Variants in ROR1 observed in about 807,000 individuals in gnomAD.
The protein encoded by ROR1 is inactive tyrosine-protein kinase transmembrane receptor ROR1.
Under a neutral mutation model 78.8 loss-of-function variants are expected in ROR1, and 19 were observed. The observed-to-expected ratio is 0.24, with a 90% CI of 0.17 to 0.35. ROR1 has a LOEUF of 0.35. Among genes scored for constraint, ROR1 ranks in the 10% least tolerant of loss-of-function variants. ROR1 has a pLI of 1.00. For synonymous variants in ROR1, 386 were observed against 433.6 expected (o/e 0.89, Z 1.36); for missense variants, 917 against 1,177.8 (o/e 0.78, Z 3.24).
At chr1:63,951,710 C>G (rs534612808) in intron 1 of ROR1, among the ~76,000 whole-genome samples, 1 of 151,952 alleles carries the variant, frequency 6.6e-6, no homozygotes, top group African/African-American at 2.4e-5. Context: ...TTAAAGACAC[C>G]CCCCCCTCAC....
At chr1:63,840,845 C>T (rs750808282) in intron 1 of ROR1, among the ~76,000 whole-genome samples, 1 of 152,150 alleles carries the variant, frequency 6.6e-6, no homozygotes, top group Non-Finnish European at 1.5e-5. Context: ...GTTTTCTCAT[C>T]TAGAAAATGG....
At chr1:64,036,441 C>G (rs562400643) in intron 2 of ROR1, among the ~76,000 whole-genome samples, 2 of 152,182 alleles carry the variant, frequency 1.3e-5, no homozygotes, top group Non-Finnish European at 2.9e-5. Flanking sequence ...TGCTAGCCCA[C>G]GATCACAGCG....
At chr1:64,024,233 C>A (rs1423645727) in intron 2 of ROR1, among the ~76,000 whole-genome samples, 2 of 152,178 alleles carry the variant, frequency 1.3e-5, no homozygotes, top group Admixed American at 6.5e-5. Flanking sequence ...GTAATCCCAG[C>A]ACTTTGAGAG....
chr1:63,808,242 C>T (rs1403478605), intron 1 of ROR1, among the ~76,000 whole-genome samples: 1 of 152,064 alleles, frequency 6.6e-6, no homozygotes, highest in Non-Finnish European at 1.5e-5. Flanking sequence ...AAGCAGTGGG[C>T]CATCTCCTTT....
intron 7 of ROR1, among the ~76,000 whole-genome samples, chr1:64,149,600 CT>C (rs1464852475): frequency 1.3e-5 from 2 of 152,194 alleles, no homozygotes; most frequent in South Asian, 2.1e-4. Context: ...GTGTGCCCTT[CT>C]CCCATTAAGT....
intron 1 of ROR1, among the ~76,000 whole-genome samples, chr1:63,791,756 A>G (rs1455076542): frequency 6.6e-6 from 1 of 152,188 alleles, no homozygotes; most frequent in Non-Finnish European, 1.5e-5. Flanking sequence ...TGGGAATTAT[A>G]ATCCATTCCC....
At chr1:63,866,845 A>C (rs1645218529) in intron 1 of ROR1, among the ~76,000 whole-genome samples, 1 of 152,172 alleles carries the variant, frequency 6.6e-6, no homozygotes, top group Non-Finnish European at 1.5e-5. Flanking sequence ...TTTTCTGTGA[A>C]ATTCCAGGTG....
chr1:64,082,306 C>G (rs969103252), intron 4 of ROR1, among the ~76,000 whole-genome samples: 1 of 152,076 alleles, frequency 6.6e-6, no homozygotes, highest in African/African-American at 2.4e-5. Context: ...AATGATAAAG[C>G]TGATAGGCAT....
At chr1:64,071,855 T>C (rs1034051593) in intron 4 of ROR1, among the ~76,000 whole-genome samples, 4 of 152,142 alleles carry the variant, frequency 2.6e-5, no homozygotes, top group African/African-American at 9.7e-5. Context: ...CAATTAGCCA[T>C]GTTCTAGGAG....
chr1:64,142,317 C>A, intron 6 of ROR1, 88 bp from the exon 7 acceptor site: 1 of 1,546,774 alleles, frequency 6.5e-7, no homozygotes, highest in South Asian at 1.2e-5. Context: ...AATTACCTGC[C>A]CTCCCCTCCA....
At chr1:63,968,804 G>A (rs1164352686) in intron 1 of ROR1, among the ~76,000 whole-genome samples, 1 of 152,124 alleles carries the variant, frequency 6.6e-6, no homozygotes, top group African/African-American at 2.4e-5. Context: ...AAACTTTTCT[G>A]CCAATGACCA....
At chr1:64,027,646 A>G (rs1646624552) in intron 2 of ROR1, among the ~76,000 whole-genome samples, 2 of 151,184 alleles carry the variant, frequency 1.3e-5, no homozygotes, top group African/African-American at 2.4e-5. Context: ...ATCATTTTGC[A>G]TGCTCATAAC....
intron 8 of ROR1, among the ~76,000 whole-genome samples, chr1:64,165,041 T>C (rs1221231368): frequency 6.6e-6 from 1 of 152,236 alleles, no homozygotes; most frequent in Non-Finnish European, 1.5e-5. Flanking sequence ...TCTTTGCTGT[T>C]GTGAATAGTG....
intron 2 of ROR1, among the ~76,000 whole-genome samples, chr1:64,034,183 A>ATTTTTTTTTTTTTTTT: frequency 6.9e-6 from 1 of 144,082 alleles, no homozygotes; most frequent in Non-Finnish European, 1.5e-5. Context: ...TTGCTTTTTC[A>ATTTTTTTTTTTTTTTT]TTTTTTTTTT....
intron 1 of ROR1, among the ~76,000 whole-genome samples, chr1:63,993,813 A>G (rs1472339714): frequency 3.3e-5 from 5 of 152,200 alleles, no homozygotes; most frequent in Admixed American, 2.6e-4. Context: ...TTTATATTAT[A>G]GACAATACTG....
chr1:64,155,235 C>A (rs1234060564), intron 7 of ROR1, among the ~76,000 whole-genome samples: 4 of 152,116 alleles, frequency 2.6e-5, no homozygotes, highest in African/African-American at 9.7e-5. Flanking sequence ...TCAAAAAGAA[C>A]CTAGGCAGAT....
intron 1 of ROR1, among the ~76,000 whole-genome samples, chr1:63,818,965 G>T (rs974871869): frequency 6.6e-6 from 1 of 152,132 alleles, no homozygotes; most frequent in Non-Finnish European, 1.5e-5. Flanking sequence ...CAGGGTCTCA[G>T]TGGGAGGCCC....
At chr1:63,901,802 A>T (rs1645487110) in intron 1 of ROR1, among the ~76,000 whole-genome samples, 1 of 152,166 alleles carries the variant, frequency 6.6e-6, no homozygotes, top group Admixed American at 6.5e-5. Context: ...CTCCCTTTAG[A>T]TGGAGATTGT....
intron 4 of ROR1, among the ~76,000 whole-genome samples, chr1:64,084,288 C>T (rs1450637865): frequency 6.6e-6 from 1 of 152,182 alleles, no homozygotes; most frequent in Non-Finnish European, 1.5e-5. Flanking sequence ...AGCAAACGTT[C>T]TGGATACTCA....
Sources: gnomAD v4.1 joint callset for allele counts (sites outside exome capture counted in the v4.1 genomes callset) on GRCh38, gnomAD v4.1.1 for gene constraint, MANE v1.5 for transcripts, NCBI Gene and HGNC (gene_info 2026-07-23, HGNC 2026-07-21) for gene names.